Variants in APIP observed in about 807,000 individuals in gnomAD.
APIP encodes methylthioribulose-1-phosphate dehydratase.
In APIP, 32 loss-of-function variants were observed where a neutral mutation model predicts 32.0. That is an observed-to-expected ratio of 1.00 (90% CI 0.76 to 1.34). The LOEUF (loss-of-function observed/expected upper bound fraction) is 1.34. Ranked by LOEUF, APIP falls within the 40% of genes most tolerant of loss-of-function variation. The probability of loss-of-function intolerance (pLI) is 0.00; values close to 1 mark genes in which losing one functional copy is unlikely to be tolerated. For missense variants in APIP, 247 were observed against 298.6 expected (o/e 0.83, Z 1.27); for synonymous variants, 92 against 94.8 (o/e 0.97, Z 0.17).
chr11:34,915,568 T>C (rs1477150782), intron 1 of APIP, among the ~76,000 whole-genome samples: 1 of 152,206 alleles, frequency 6.6e-6, no homozygotes. Context: ...GCCATTTATC[T>C]TACGTATCCC....
intron 5 of APIP, among the ~76,000 whole-genome samples, chr11:34,884,712 A>C (rs1160230538): frequency 7.5e-6 from 1 of 133,444 alleles, no homozygotes; most frequent in Non-Finnish European, 1.7e-5. Context: ...CGACAGAGCC[A>C]GACTTAGTCT....
intron 1 of APIP, among the ~76,000 whole-genome samples, chr11:34,905,312 T>C (rs1212095507): frequency 6.6e-6 from 1 of 152,224 alleles, no homozygotes; most frequent in African/African-American, 2.4e-5. Context: ...ACAAGACTAA[T>C]TGTTGGGTCT....
intron 1 of APIP, among the ~76,000 whole-genome samples, chr11:34,914,297 G>A (rs1296025272): frequency 6.6e-6 from 1 of 152,168 alleles, no homozygotes; most frequent in African/African-American, 2.4e-5. Context: ...GATGCAGCTT[G>A]CACTTATAAA....
rs143620942 is a variant in APIP, at chr11:34,893,777, T to C, written c.158+1233A>G. ...CTCAGTAATTTAAAGCAGATAAAATTATAATGGCATCATCTTGTGGTGTAC... is the reference window on the plus strand; with the variant it reads ...CTCAGTAATTTAAAGCAGATAAAATCATAATGGCATCATCTTGTGGTGTAC... On this transcript the variant is annotated intron_variant, in intron 2 of 6. Coordinates refer to ENST00000395787, the MANE Select transcript of APIP (RefSeq NM_015957.4). Among the ~76,000 whole-genome samples the C allele has an allele frequency of 2.0e-5, 3 of 152,358 alleles. No homozygotes were observed. The East Asian group carries it at 5.8e-4, about 29-fold the overall frequency.
rs369975644 is a variant in APIP, at chr11:34,916,249, A to T, written c.36T>A (p.Cys12Ter). The T allele has an allele frequency of 2.5e-5, 40 of 1,612,360 alleles. No individual in the cohort carries two copies. The highest frequency in any genetic ancestry group is 3.1e-5 in the Non-Finnish European group (36 of 1,179,520). ...SGCDAREGDC[C>*]SRRCGAQDKE... The stretch of plus-strand genomic sequence containing the variant: ...CTACCTGCGCGCCGCATCTCCGGGA[A>T]CAACAGTCTCCCTCCCGAGCATCAC... The change falls in exon 1 of 7, where the codon TGT becomes TGA. Residue 12 changes from cysteine to a stop codon, truncating the protein, a stop_gained. Transcript: ENST00000395787. LOFTEE classifies it high-confidence loss of function.
chr11:34,910,257 G>A (rs759693626), intron 1 of APIP, among the ~76,000 whole-genome samples: 1 of 152,218 alleles, frequency 6.6e-6, no homozygotes, highest in Admixed American at 6.5e-5. Context: ...TGTAAATTAG[G>A]TCAACCACGA....
At chr11:34,911,663 T>C (rs1187821580) in intron 1 of APIP, among the ~76,000 whole-genome samples, 2 of 152,244 alleles carry the variant, frequency 1.3e-5, no homozygotes, top group East Asian at 3.9e-4. Context: ...AATGGGCCCA[T>C]AATACTCCCA....
At chr11:34,896,288 C>T (rs1853269420) in intron 1 of APIP, among the ~76,000 whole-genome samples, 1 of 152,144 alleles carries the variant, frequency 6.6e-6, no homozygotes, top group African/African-American at 2.4e-5. Context: ...TTTACTGCAG[C>T]ACTATTTACA....
chr11:34,914,747 TA>T (rs1359468002), intron 1 of APIP, among the ~76,000 whole-genome samples: 3 of 152,110 alleles, frequency 2.0e-5, no homozygotes, highest in Non-Finnish European at 2.9e-5. Flanking sequence ...CTTACACCTG[TA>T]ATCCCAGCAC....
intron 1 of APIP, among the ~76,000 whole-genome samples, chr11:34,906,290 G>A (rs1853453624): frequency 6.6e-6 from 1 of 152,142 alleles, no homozygotes; most frequent in African/African-American, 2.4e-5. Flanking sequence ...AGCATCATCT[G>A]GAGTCATCCC....
At position 34,916,337 on chromosome 11, in the gene APIP, G is replaced by T. The variant is rs2956113; in HGVS notation, c.-53C>A. On this transcript the variant is annotated 5_prime_UTR_variant, in exon 1 of 7. Coordinates refer to ENST00000395787, the MANE Select transcript of APIP (RefSeq NM_015957.4). The stretch of plus-strand genomic sequence containing the variant: ...CCAATCTCCGCACGGCTTTGCGCGC[G>T]GCGCTTAGCCTGGGATACGGCAGCG... 8.8e-6 allele frequency: 14 copies of T among 1,599,636 alleles called. No individual in the cohort carries two copies. The African/African-American group carries it at 1.3e-4, about 15-fold the overall frequency.
intron 2 of APIP, among the ~76,000 whole-genome samples, 195 bp downstream of exon 2, chr11:34,894,815 C>A (rs1437834906): frequency 1.3e-5 from 2 of 152,182 alleles, no homozygotes; most frequent in East Asian, 3.8e-4. Context: ...CAGTCTTTAG[C>A]TATTTGACAT....
chr11:34,891,931 G>T (rs1395279052), intron 2 of APIP, among the ~76,000 whole-genome samples: 1 of 152,128 alleles, frequency 6.6e-6, no homozygotes, highest in African/African-American at 2.4e-5. Flanking sequence ...ACAGATAAGT[G>T]GACTTGTGGG....
At chr11:34,905,423 A>G (rs1853432481) in intron 1 of APIP, among the ~76,000 whole-genome samples, 2 of 152,160 alleles carry the variant, frequency 1.3e-5, no homozygotes, top group South Asian at 2.1e-4. Context: ...CTTTACCCTT[A>G]AAGACCTAGC....
intron 1 of APIP, among the ~76,000 whole-genome samples, chr11:34,903,796 C>G (rs538542881): frequency 5.5e-4 from 83 of 152,126 alleles, no homozygotes; most frequent in Non-Finnish European, 7.9e-4. Flanking sequence ...CACTTTGTCT[C>G]GAGGGTATAC....
At chr11:34,899,583 G>A (rs1379778322) in intron 1 of APIP, among the ~76,000 whole-genome samples, 1 of 152,218 alleles carries the variant, frequency 6.6e-6, no homozygotes, top group African/African-American at 2.4e-5. Flanking sequence ...CATTAAAGGG[G>A]CCTTGCCCAA....
intron 2 of APIP, 180 bp from the exon 3 acceptor site, chr11:34,890,732 C>G: frequency 1.9e-6 from 1 of 513,584 alleles, no homozygotes. Context: ...CTTTGTAGTG[C>G]TGGTGGCATT....
rs749266590 is a variant in APIP at position 34,883,471 on chromosome 11, C to T, written c.495G>A (p.Glu165=). The T allele has an allele frequency of 1.1e-5, 18 of 1,613,772 alleles. No individual in the cohort carries two copies. Among genetic ancestry groups the T allele is most frequent in the African/African-American group, 4.0e-5 (3 of 74,882 alleles). Residue 165 remains glutamate, a synonymous_variant, in exon 6 of 7, where the codon GAG becomes GAA. Coordinates refer to ENST00000395787, the MANE Select transcript of APIP (RefSeq NM_015957.4). The stretch of plus-strand genomic sequence containing the variant: ...TGAGGTCTTTCTCCTCAGGTGTATT[C>T]TCAATAATGGGTACCACTAACATAT... ...YDDMLVVPII[E]NTPEEKDLKD... is the part of the protein sequence containing the mutation.
rs866989847 is a variant in APIP, at chr11:34,882,526, C to G, written c.*191G>C. The G allele has an allele frequency of 7.3e-5, 28 of 383,660 alleles. 1 individual carries two copies. The South Asian group carries it at 7.8e-4, about 11-fold the overall frequency. The allele number at this position is 383,660 out of a possible 1,614,324, so 23.8% of individuals were successfully genotyped here. A position where few individuals can be genotyped will look rare whatever the true frequency, so the allele number is the denominator to read the frequency against. On this transcript the variant is annotated 3_prime_UTR_variant, in exon 7 of 7. Transcript: ENST00000395787. ...TATAAAATTTTCATTTCACTGTGCCCTCATTTAAAATTATAAGAATATAAG... is the reference window on the plus strand; with the variant it reads ...TATAAAATTTTCATTTCACTGTGCCGTCATTTAAAATTATAAGAATATAAG...
Sources: allele counts gnomAD v4.1 joint callset (sites outside exome capture counted in the v4.1 genomes callset), GRCh38; gene constraint gnomAD v4.1.1; transcripts MANE v1.5; gene names NCBI Gene and HGNC (gene_info 2026-07-23, HGNC 2026-07-21).